Variants in PYGO1 observed in about 807,000 individuals in gnomAD.
The protein encoded by PYGO1 is pygopus homolog 1.
PYGO1 carries 6 observed loss-of-function variants against 29.5 expected under a neutral mutation model. The ratio of observed to expected loss-of-function variants is 0.20; its 90% CI spans 0.11 to 0.40. PYGO1 has a LOEUF of 0.40. PYGO1 is among the 10% of genes least tolerant of loss of function. The pLI is 1.00. For synonymous variants in PYGO1, 186 were observed against 180.5 expected, an observed-to-expected ratio of 1.03 and a Z score of -0.24; for missense variants, 515 against 514.9, an observed-to-expected ratio of 1.00 and a Z score of 0.00.
chr15:55,573,363 G>C (rs565959489), intron 1 of PYGO1, among the ~76,000 whole-genome samples: 1 of 152,194 alleles, frequency 6.6e-6, no homozygotes, highest in South Asian at 2.1e-4. Context: ...AGGATGTGGA[G>C]GAAAGGGAAG....
At chr15:55,585,414 A>T (rs28618157) in intron 1 of PYGO1, among the ~76,000 whole-genome samples, 8 of 152,296 alleles carry the variant, frequency 5.3e-5, no homozygotes, top group African/African-American at 1.7e-4. Context: ...ATTACATTAA[A>T]TAACAAAAAG....
rs577419984 is a variant in PYGO1 at position 55,542,254 on chromosome 15, G to T, written c.*3769C>A. ...TTGATACTTATTTGGATTAAAGTTGGCAGATTTTATGATGACCCACACTAT... is the reference window on the plus strand; with the variant it reads ...TTGATACTTATTTGGATTAAAGTTGTCAGATTTTATGATGACCCACACTAT... On this transcript the variant is annotated 3_prime_UTR_variant, in exon 3 of 3. Transcript: ENST00000563719. 6.6e-6 allele frequency: 1 copy of T among 152,230 alleles called. No individual in the cohort carries two copies. Among genetic ancestry groups the T allele is most frequent in the South Asian group, 2.1e-4 (1 of 4,822 alleles). 9.4% of individuals were successfully genotyped at this position (152,230 alleles called of 1,614,324 possible). A position where few individuals can be genotyped will look rare whatever the true frequency, so the allele number is the denominator to read the frequency against.
intron 1 of PYGO1, among the ~76,000 whole-genome samples, chr15:55,586,470 T>A (rs2059046931): frequency 6.6e-6 from 1 of 152,244 alleles, no homozygotes; most frequent in African/African-American, 2.4e-5. Flanking sequence ...ACTGAACGAC[T>A]GTAATTTTAC....
rs2058826392 is a variant in PYGO1 at position 55,541,056 on chromosome 15, G to C, written c.*4967C>G. 6.6e-6 allele frequency: 1 copy of C among 152,106 alleles called. No individual in the cohort carries two copies. Among genetic ancestry groups the C allele is most frequent in the African/African-American group, 2.4e-5 (1 of 41,416 alleles). 9.4% of individuals were successfully genotyped at this position (152,106 alleles called of 1,614,324 possible). ...ATTTAGAATAAGTTTTAATATAATTGCAAGTAATGTATTATTGACAAAATA... is the reference window on the plus strand; with the variant it reads ...ATTTAGAATAAGTTTTAATATAATTCCAAGTAATGTATTATTGACAAAATA... On this transcript the variant is annotated 3_prime_UTR_variant, in exon 3 of 3. Transcript: ENST00000563719.
chr15:55,567,535 T>C (rs540333472), intron 1 of PYGO1, among the ~76,000 whole-genome samples: 1 of 152,332 alleles, frequency 6.6e-6, no homozygotes, highest in South Asian at 2.1e-4. Flanking sequence ...GCACAGTTTG[T>C]GAATATATTC....
intron 1 of PYGO1, among the ~76,000 whole-genome samples, chr15:55,556,780 GAC>G (rs983018513): frequency 5.7e-5 from 4 of 69,734 alleles, no homozygotes; most frequent in African/African-American, 2.0e-4. Flanking sequence ...GAATCAAATA[GAC>G]ACAATCAGAA....
At chr15:55,576,028 TTTATA>T in intron 1 of PYGO1, among the ~76,000 whole-genome samples, 1 of 152,358 alleles carries the variant, frequency 6.6e-6, no homozygotes, top group East Asian at 1.9e-4. Context: ...TTAGCAATAC[TTTATA>T]TTATTTGTTA....
At chr15:55,579,236 G>A (rs2059016292) in intron 1 of PYGO1, among the ~76,000 whole-genome samples, 1 of 152,054 alleles carries the variant, frequency 6.6e-6, no homozygotes. Context: ...CCCACATATT[G>A]AACAGAGAAA....
intron 1 of PYGO1, among the ~76,000 whole-genome samples, chr15:55,584,543 G>C (rs1274947597): frequency 6.6e-6 from 1 of 152,214 alleles, no homozygotes; most frequent in African/African-American, 2.4e-5. Context: ...TGGAGAATGG[G>C]AGTATTGGTT....
intron 1 of PYGO1, among the ~76,000 whole-genome samples, chr15:55,563,590 T>C (rs2058942734): frequency 6.6e-6 from 1 of 152,144 alleles, no homozygotes; most frequent in Admixed American, 6.6e-5. Context: ...GACCTCGTGA[T>C]CCGCCTGCCT....
At chr15:55,566,978 T>G (rs948435945) in intron 1 of PYGO1, among the ~76,000 whole-genome samples, 3 of 152,098 alleles carry the variant, frequency 2.0e-5, no homozygotes, top group African/African-American at 7.2e-5. Flanking sequence ...GCAATCCACC[T>G]ACCTCAGCCT....
In PYGO1 at chr15:55,587,911, C is replaced by A. The variant is rs540186565; in HGVS notation, c.-28G>T. On this transcript the variant is annotated 5_prime_UTR_variant, in exon 1 of 3. Coordinates refer to ENST00000563719, the MANE Select transcript of PYGO1 (RefSeq NM_001367806.1). ...CAGACCGCAAAGCATGACTCCCCCC[C>A]AGGCCGCGGGAATTCGGTCTCTTTG... 1.8e-5 allele frequency: 27 copies of A among 1,465,416 alleles called. No homozygotes were observed. Among genetic ancestry groups the A allele is most frequent in the South Asian group, 2.6e-5 (2 of 77,760 alleles). 90.8% of individuals were successfully genotyped at this position (1,465,416 alleles called of 1,614,324 possible). A position where few individuals can be genotyped will look rare whatever the true frequency, so the allele number is the denominator to read the frequency against.
chr15:55,544,191 G>A lies in PYGO1; in HGVS notation c.*1832C>T, dbSNP rs760516536. On this transcript the variant is annotated 3_prime_UTR_variant, in exon 3 of 3. Coordinates refer to ENST00000563719, the MANE Select transcript of PYGO1 (RefSeq NM_001367806.1). ...ACCATATGAAATTGCTGTTTTTGTA[G>A]GTCAAAATTAAAACAATGTATTTAA... 2.0e-5 allele frequency: 3 copies of A among 152,034 alleles called. No homozygotes were observed. Among genetic ancestry groups the A allele is most frequent in the Admixed American group, 6.6e-5 (1 of 15,258 alleles). The allele number at this position is 152,034 out of a possible 1,614,324, so 9.4% of individuals were successfully genotyped here.
intron 1 of PYGO1, among the ~76,000 whole-genome samples, chr15:55,564,942 T>C (rs1442930416): frequency 6.6e-6 from 1 of 152,178 alleles, no homozygotes; most frequent in African/African-American, 2.4e-5. Flanking sequence ...AACATCCTAC[T>C]TTCCTTGCTG....
At chr15:55,558,417 C>G (rs553797124) in intron 1 of PYGO1, among the ~76,000 whole-genome samples, 137 of 152,222 alleles carry the variant, frequency 9.0e-4, no homozygotes, top group African/African-American at 3.1e-3. Context: ...AATGGCCATA[C>G]TGCCCAAGGT....
At chr15:55,582,228 A>AAG (rs950073639) in intron 1 of PYGO1, among the ~76,000 whole-genome samples, 23 of 147,400 alleles carry the variant, frequency 1.6e-4, no homozygotes, top group Non-Finnish European at 3.0e-4. Context: ...AAAAAAAATT[A>AAG]AGGAGACAGA....
intron 1 of PYGO1, among the ~76,000 whole-genome samples, chr15:55,559,530 C>T (rs369472493): frequency 4.4e-4 from 67 of 152,276 alleles, no homozygotes; most frequent in African/African-American, 6.3e-4. Flanking sequence ...CACATGCACA[C>T]GTATGTTTAC....
Position 55,546,511 on chromosome 15 carries a change from G to A in PYGO1, c.772C>T (p.Pro258Ser). ...ACTGTGTCATCCATATTCAAGTGAG[G>A]TGGATGAGCAGAGGAATTTTGATTA... ...NTNQNSSAHP[P>S]HLNMDDTVNQ... Residue 258 changes from proline to serine, a missense_variant, in exon 3 of 3, where the codon CCT becomes TCT. Coordinates refer to ENST00000563719, the MANE Select transcript of PYGO1 (RefSeq NM_001367806.1). 1.2e-6 allele frequency: 2 copies of A among 1,614,108 alleles called. No homozygotes were observed. The highest frequency in any genetic ancestry group is 1.7e-6 in the Non-Finnish European group (2 of 1,180,006).
At position 55,546,626 on chromosome 15, in the gene PYGO1, A is replaced by C; in HGVS notation, c.657T>G (p.Asn219Lys). 1 of 1,614,080 alleles carries C rather than the reference A, an allele frequency of 6.2e-7. No homozygotes were observed. ...TGTTTGGGGGAGGAATAAAAGAATGATTAGATTCTAACGGAGAAGTAAAAT... is the reference window on the plus strand; with the variant it reads ...TGTTTGGGGGAGGAATAAAAGAATGCTTAGATTCTAACGGAGAAGTAAAAT... The part of the protein sequence containing the change: ...NSNFTSPLES[N>K]HSFIPPPNTF... Residue 219 changes from asparagine to lysine, a missense_variant, in exon 3 of 3, where the codon AAT becomes AAG. Physicochemically the swap from Asn to Lys is moderately conservative, Grantham distance 94 (BLOSUM62 0). Coordinates refer to ENST00000563719, the MANE Select transcript of PYGO1 (RefSeq NM_001367806.1).
Sources: allele counts gnomAD v4.1 joint callset (sites outside exome capture counted in the v4.1 genomes callset), GRCh38; gene constraint gnomAD v4.1.1; transcripts MANE v1.5; gene names NCBI Gene and HGNC (gene_info 2026-07-23, HGNC 2026-07-21).